Variants in SPRED2 observed in about 807,000 individuals in gnomAD.
SPRED2 encodes the protein sprouty-related, EVH1 domain-containing protein 2.
In SPRED2, 47 loss-of-function variants were observed where a neutral mutation model predicts 43.0. The observed-to-expected ratio is 1.09, with a 90% confidence interval of 0.87 to 1.40. The LOEUF is 1.40. Ranked by LOEUF, SPRED2 falls within the 40% of genes most tolerant of loss-of-function variation. SPRED2 has a pLI of 0.00. For synonymous variants in SPRED2, 225 were observed against 225.7 expected, an observed-to-expected ratio of 1.00 and a Z score of 0.03; for missense variants, 561 against 586.4, an observed-to-expected ratio of 0.96 and a Z score of 0.45.
chr2:65,409,698 A>T (rs1253349291), intron 1 of SPRED2, among the ~76,000 whole-genome samples: 1 of 151,238 alleles, frequency 6.6e-6, no homozygotes, highest in Non-Finnish European at 1.5e-5. Flanking sequence ...CTGCAAAAAA[A>T]AAAAAAAAAA....
intron 1 of SPRED2, among the ~76,000 whole-genome samples, chr2:65,383,592 G>T (rs572803426): frequency 3.9e-4 from 59 of 152,290 alleles, no homozygotes; most frequent in African/African-American, 1.3e-3. Context: ...CCACCGTTAC[G>T]TGGGTTCCCT....
intron 1 of SPRED2, among the ~76,000 whole-genome samples, chr2:65,392,888 G>T (rs1451145734): frequency 6.6e-6 from 1 of 152,154 alleles, no homozygotes; most frequent in Non-Finnish European, 1.5e-5. Context: ...AAGGATGAGG[G>T]ACGGAAGCAG....
downstream of SPRED2, among the ~76,000 whole-genome samples, chr2:65,309,822 C>T (rs577520520): frequency 1.1e-4 from 17 of 152,246 alleles, no homozygotes; most frequent in African/African-American, 3.9e-4. Flanking sequence ...GAGAACCAGA[C>T]GGACAGGATA....
At chr2:65,424,248 G>A (rs1455894509) in intron 1 of SPRED2, among the ~76,000 whole-genome samples, 1 of 151,972 alleles carries the variant, frequency 6.6e-6, no homozygotes, top group Non-Finnish European at 1.5e-5. Flanking sequence ...TACCATCATG[G>A]CAGCCTCTCC....
intron 1 of SPRED2, among the ~76,000 whole-genome samples, chr2:65,382,018 G>C (rs1675384698): frequency 2.0e-5 from 3 of 152,190 alleles, no homozygotes; most frequent in Admixed American, 6.5e-5. Context: ...GTCTGCGCTT[G>C]AGTAACCACT....
rs72896523 is a variant in SPRED2 at position 65,364,375 on chromosome 2, T to G, written c.27-19479A>C. On this transcript the variant is annotated intron_variant, in intron 1 of 5. Transcript: ENST00000356388. ...AGGCAGCGTCTCACTCAATATCTAT[T>G]GATTGCTTCCAAGTTGAATGATATG... Among the ~76,000 whole-genome samples, 361 of 152,356 alleles carry G rather than the reference T, an allele frequency of 2.4e-3. 4 individuals carry two copies. Among genetic ancestry groups the G allele is most frequent in the African/African-American group, 8.5e-3 (353 of 41,592 alleles).
chr2:65,382,520 G>C (rs569117446), intron 1 of SPRED2, among the ~76,000 whole-genome samples: 2 of 152,278 alleles, frequency 1.3e-5, no homozygotes, highest in East Asian at 3.9e-4. Context: ...GCCACAACTG[G>C]CAGCTGAACT....
At chr2:65,423,468 A>G (rs1014928693) in intron 1 of SPRED2, among the ~76,000 whole-genome samples, 1 of 152,216 alleles carries the variant, frequency 6.6e-6, no homozygotes, top group Non-Finnish European at 1.5e-5. Flanking sequence ...TACAAAAACT[A>G]CCAGGACACC....
At chr2:65,365,446 T>C (rs748190014) in intron 1 of SPRED2, among the ~76,000 whole-genome samples, 1 of 152,218 alleles carries the variant, frequency 6.6e-6, no homozygotes, top group Non-Finnish European at 1.5e-5. Flanking sequence ...ATTCATACAC[T>C]TCAAGGAAAA....
At chr2:65,390,983 G>C (rs1441140542) in intron 1 of SPRED2, among the ~76,000 whole-genome samples, 1 of 151,736 alleles carries the variant, frequency 6.6e-6, no homozygotes, top group Non-Finnish European at 1.5e-5. Flanking sequence ...AGCTACTTGG[G>C]CAGGTGAGGT....
At chr2:65,324,793 G>C (rs1363090805) in intron 4 of SPRED2, among the ~76,000 whole-genome samples, 1 of 152,158 alleles carries the variant, frequency 6.6e-6, no homozygotes, top group African/African-American at 2.4e-5. Flanking sequence ...CCTGGCTGCT[G>C]ACCCAGGACT....
chr2:65,421,517 G>A (rs1306203151), intron 1 of SPRED2, among the ~76,000 whole-genome samples: 2 of 152,164 alleles, frequency 1.3e-5, no homozygotes, highest in Admixed American at 6.5e-5. Context: ...TGAGAAGCAC[G>A]GCTACAGGAT....
chr2:65,350,595 CCA>C (rs1348337769), intron 1 of SPRED2, among the ~76,000 whole-genome samples: 1 of 152,142 alleles, frequency 6.6e-6, no homozygotes, highest in Admixed American at 6.5e-5. Flanking sequence ...CCTTGTGTTC[CCA>C]ACATGTGGAC....
At chr2:65,415,526 AG>A in intron 1 of SPRED2, among the ~76,000 whole-genome samples, 1 of 152,208 alleles carries the variant, frequency 6.6e-6, no homozygotes, top group Admixed American at 6.5e-5. Context: ...TCCACCAAAA[AG>A]GGGCAACATT....
intron 1 of SPRED2, among the ~76,000 whole-genome samples, chr2:65,412,786 C>T (rs1360493193): frequency 6.6e-6 from 1 of 152,092 alleles, no homozygotes; most frequent in Non-Finnish European, 1.5e-5. Flanking sequence ...CATTTTGGCC[C>T]ACTCCAAAAC....
chr2:65,316,685 A>ATCAGAGGCACCACCCTGATGCCC (rs1673243597), intron 5 of SPRED2, 49 bp downstream of exon 5: 1 of 1,567,980 alleles, frequency 6.4e-7, no homozygotes. Flanking sequence ...CCATTCCAGA[A>ATCAGAGGCACCACCCTGATGCCC]TCAGAGGCAC....
intron 1 of SPRED2, among the ~76,000 whole-genome samples, chr2:65,355,645 G>C (rs895587246): frequency 1.3e-5 from 2 of 152,112 alleles, no homozygotes; most frequent in African/African-American, 2.4e-5. Flanking sequence ...TTGAACCTAG[G>C]GGGCAGAGGT....
At chr2:65,346,943 C>A (rs1026850294) in intron 1 of SPRED2, among the ~76,000 whole-genome samples, 1 of 152,194 alleles carries the variant, frequency 6.6e-6, no homozygotes, top group Non-Finnish European at 1.5e-5. Flanking sequence ...TCCTCCAATT[C>A]CCTGGCCTCT....
intron 1 of SPRED2, among the ~76,000 whole-genome samples, chr2:65,359,521 G>C (rs1205030165): frequency 6.6e-6 from 1 of 152,080 alleles, no homozygotes; most frequent in Non-Finnish European, 1.5e-5. Context: ...GATTTTCACA[G>C]ATAACTGAAA....
Sources: allele counts gnomAD v4.1 joint callset (sites outside exome capture counted in the v4.1 genomes callset), GRCh38; gene constraint gnomAD v4.1.1; transcripts MANE v1.5; gene names NCBI Gene and HGNC (gene_info 2026-07-23, HGNC 2026-07-21).